Variants in HCRTR1 observed in about 807,000 individuals in gnomAD.
HCRTR1 encodes orexin/Hypocretin receptor type 1.
HCRTR1 carries 28 observed loss-of-function variants against 40.6 expected under a neutral mutation model. The ratio of observed to expected loss-of-function variants is 0.69; its 90% CI spans 0.51 to 0.95. The LOEUF (loss-of-function observed/expected upper bound fraction) is 0.95. Among genes scored for constraint, HCRTR1 ranks in the 40% least tolerant of loss-of-function variants. The probability of loss-of-function intolerance (pLI) is 0.00; values close to 1 mark genes in which losing one functional copy is unlikely to be tolerated. For missense variants in HCRTR1, 482 were observed against 564.7 expected (o/e 0.85, Z 1.48); for synonymous variants, 209 against 230.0 (o/e 0.91, Z 0.83).
downstream of HCRTR1, chr1:31,633,430 C>T: frequency 1.7e-6 from 2 of 1,154,368 alleles, no homozygotes; most frequent in Non-Finnish European, 2.4e-6. Context: ...CCTTCCCTGT[C>T]TTCCATCAAG....
intron 7 of HCRTR1, among the ~76,000 whole-genome samples, chr1:31,624,473 C>G (rs1005883500): frequency 2.4e-4 from 27 of 111,936 alleles, no homozygotes; most frequent in Non-Finnish European, 4.2e-4. Flanking sequence ...AAAAAAAAAG[C>G]CTTTCCAAGG....
chr1:31,624,457 A>AC (rs1639931338), intron 7 of HCRTR1, among the ~76,000 whole-genome samples: 1 of 56,914 alleles, frequency 1.8e-5, no homozygotes, highest in Admixed American at 2.1e-4. Context: ...TCAAAAAAAA[A>AC]AAAAAAAAAA....
rs1363328624 is a variant in HCRTR1, at chr1:31,624,668, C to T, written c.966-329C>T. ...GTGTGATCTTCGGCATGTCACTTTA[C>T]TTCTCTGAGCCTCAGTTTCCTTAAT... On this transcript the variant is annotated intron_variant, in intron 7 of 8. Coordinates refer to ENST00000403528, the MANE Select transcript of HCRTR1 (RefSeq NM_001525.3). 1.3e-5 allele frequency among the ~76,000 whole-genome samples: 2 copies of T among 152,174 alleles called. 1 individual carries two copies. Among genetic ancestry groups the T allele is most frequent in the Non-Finnish European group, 2.9e-5 (2 of 68,040 alleles).
chr1:31,619,044 C>G lies in HCRTR1; in HGVS notation c.-142-7C>G, dbSNP rs1639790338. On this transcript the variant is annotated splice_polypyrimidine_tract_variant and splice_region_variant and intron_variant, in intron 2 of 8. Coordinates refer to ENST00000403528, the MANE Select transcript of HCRTR1 (RefSeq NM_001525.3). ...TTCCCACTCCCTCCTTTCCTTCCTC[C>G]CTTCAGGAAGTTTGAGGCTGAGACC... is the stretch of plus-strand genomic sequence containing the variant. 1.6e-6 allele frequency: 1 copy of G among 616,576 alleles called. No individual in the cohort carries two copies. The highest frequency in any genetic ancestry group is 1.8e-5 in the African/African-American group (1 of 54,186). The allele number at this position is 616,576 out of a possible 1,614,324, so 38.2% of individuals were successfully genotyped here.
rs139306009 is a variant in HCRTR1, at chr1:31,624,999, T to C, written c.968T>C (p.Val323Ala). The change falls in exon 8 of 9, where the codon GTG becomes GCG. Residue 323 changes from valine to alanine, a missense_variant and splice_region_variant. Coordinates refer to ENST00000403528, the MANE Select transcript of HCRTR1 (RefSeq NM_001525.3). The stretch of plus-strand genomic sequence containing the variant: ...ACGCTCCTCCACCCTGGGCCTAGGG[T>C]GTTCGGGATGTTCCGCCAAGCCAGT... ...PISVLNVLKR[V>A]FGMFRQASDR... 65 of 1,602,246 alleles carry C rather than the reference T, an allele frequency of 4.1e-5. No homozygotes were observed. In the African/African-American group the frequency reaches 8.4e-4, roughly 21 times the overall value.
At position 31,621,001 on chromosome 1, in the gene HCRTR1, G is replaced by A; in HGVS notation, c.537G>A (p.Gln179=). 1.2e-6 allele frequency: 2 copies of A among 1,613,910 alleles called. No individual in the cohort carries two copies. The highest frequency in any genetic ancestry group is 4.5e-5 in the East Asian group (2 of 44,882). The stretch of plus-strand genomic sequence containing the variant: ...TGTCGCTGGCCATCATGGTGCCCCA[G>A]GCTGCAGTCATGGAATGCAGCAGTG... The part of the protein sequence containing the change: ...WAVSLAIMVP[Q]AAVMECSSVL... The change falls in exon 5 of 9, where the codon CAG becomes CAA. Residue 179 remains glutamine (Q), a synonymous_variant. Coordinates refer to ENST00000403528, the MANE Select transcript of HCRTR1 (RefSeq NM_001525.3).
intron 4 of HCRTR1, among the ~76,000 whole-genome samples, chr1:31,620,052 G>A (rs1447209913): frequency 6.6e-6 from 1 of 152,206 alleles, no homozygotes; most frequent in African/African-American, 2.4e-5. Flanking sequence ...CCCTAGGCCT[G>A]CTCCCCAATC....
In HCRTR1 at chr1:31,625,492, GCCCTGGAGC is replaced by G. The variant is rs1017872104; in HGVS notation, c.1087+380_1087+388del. 2.0e-5 allele frequency among the ~76,000 whole-genome samples: 3 copies of G among 152,224 alleles called. No individual in the cohort carries two copies. Among genetic ancestry groups the G allele is most frequent in the Admixed American group, 2.0e-4 (3 of 15,290 alleles). Reference sequence around the variant, plus strand: ...AGGGAGTCAGACCTGTGGGAGGAGGGCCCTGGAGCCCCTGCCCGAGGAAGGATTGCACAG... The same window carrying G: ...AGGGAGTCAGACCTGTGGGAGGAGGGCCCTGCCCGAGGAAGGATTGCACAG... On this transcript the variant is annotated intron_variant, in intron 8 of 8. Transcript: ENST00000403528. The surrounding 1 kb of genome is among the most constrained non-coding windows in gnomAD (Gnocchi z 4.2).
At chr1:31,621,372 T>C in intron 5 of HCRTR1, 105 bp from the exon 6 acceptor site, 2 of 930,188 alleles carry the variant, frequency 2.2e-6, no homozygotes, top group East Asian at 2.4e-5. Context: ...GTCCAGCTGC[T>C]CCTAGGCCTT....
At chr1:31,633,074 TG>T, downstream of HCRTR1, 4 of 1,449,846 alleles carry the variant, frequency 2.8e-6, no homozygotes, top group Non-Finnish European at 3.7e-6. Flanking sequence ...CTCTTCAGAA[TG>T]TCCACCCACC....
Position 31,625,101 on chromosome 1 carries a change from T to C in HCRTR1, c.1070T>C (p.Ile357Thr). The change falls in exon 8 of 9, where the codon ATC becomes ACC. Residue 357 changes from isoleucine (I) to threonine (T), a missense_variant. Transcript: ENST00000403528. This position sits in a 1 kb window ranked among gnomAD's most constrained non-coding sequence, Gnocchi z 4.2. ...VYANSAANPI[I>T]YNFLSGKFRE... ...GCCAACAGCGCTGCCAACCCCATCA[T>C]CTACAACTTCCTCAGTGGTGAGCAG... is the stretch of plus-strand genomic sequence containing the variant. The C allele has an allele frequency of 6.2e-7, 1 of 1,611,062 alleles. No homozygotes were observed. The highest frequency in any genetic ancestry group is 8.5e-7 in the Non-Finnish European group (1 of 1,178,252).
rs1557575604 is a variant in HCRTR1, at chr1:31,619,229, GT to G, written c.38del (p.Val13AlafsTer65). On this transcript the variant is annotated frameshift_variant, in exon 3 of 9. Coordinates refer to ENST00000403528, the MANE Select transcript of HCRTR1 (RefSeq NM_001525.3). LOFTEE classifies it high-confidence loss of function. ...AGCCACCCCAGGGGCCCAGATGGGG[GT>G]CCCCCCTGGCAGCAGAGAGCCGTCC... ...PSATPGAQMG[V>X]PPGSREPSPV... is the part of the protein sequence containing the mutation. 2 of 1,613,280 alleles carry G rather than the reference GT, an allele frequency of 1.2e-6. No homozygotes were observed. Among genetic ancestry groups the G allele is most frequent in the Non-Finnish European group, 1.7e-6 (2 of 1,180,004 alleles).
At chr1:31,629,367 T>C (rs544491591), downstream of HCRTR1, among the ~76,000 whole-genome samples, 7 of 152,340 alleles carry the variant, frequency 4.6e-5, no homozygotes, top group South Asian at 1.5e-3. Context: ...CCTGGCAAAC[T>C]AGAATGTCTG....
chr1:31,626,690 AT>A lies in HCRTR1; in HGVS notation c.1088-99del. ...TCCCTCCCTCCCTCCCCGCCCCCTC[AT>A]AGGCAGCTTGGCTGGAGCTGCGTGG... On this transcript the variant is annotated intron_variant, in intron 8 of 8. Transcript: ENST00000403528. This position sits in a 1 kb window ranked among gnomAD's most constrained non-coding sequence, Gnocchi z 4.6. 2.1e-5 allele frequency: 10 copies of A among 474,756 alleles called. No homozygotes were observed. Among genetic ancestry groups the A allele is most frequent in the East Asian group, 6.8e-5 (1 of 14,644 alleles). 29.4% of individuals were successfully genotyped at this position (474,756 alleles called of 1,614,324 possible).
chr1:31,630,538 A>C (rs1640065880), downstream of HCRTR1: 18 of 1,355,078 alleles, frequency 1.3e-5, 1 homozygote, highest in South Asian at 1.7e-4. Flanking sequence ...AAAAGAAGAG[A>C]TGTCCACATA....
At chr1:31,622,217 T>C (rs1041146463) in intron 6 of HCRTR1, among the ~76,000 whole-genome samples, 1 of 151,900 alleles carries the variant, frequency 6.6e-6, no homozygotes, top group Non-Finnish European at 1.5e-5. Context: ...GTTTCTTAGG[T>C]TTTTGGGGGG....
downstream of HCRTR1, chr1:31,630,506 A>G (rs1640064396): frequency 5.3e-6 from 6 of 1,122,430 alleles, no homozygotes; most frequent in Non-Finnish European, 7.8e-6. Context: ...AGCAAGGGAG[A>G]ATGTTCTTCT....
chr1:31,621,074 G>T lies in HCRTR1; in HGVS notation c.610G>T (p.Glu204Ter). The part of the protein sequence containing the change: ...NRTRLFSVCD[E>*]RWADDLYPKI... ...CACACGGCTCTTCTCAGTCTGTGAT[G>T]AACGCTGGGCAGGTAATGGTGGAAG... Residue 204 changes from glutamate (E) to a stop codon, truncating the protein, a stop_gained, in exon 5 of 9, where the codon GAA (glutamate) becomes TAA (stop). Transcript: ENST00000403528. LOFTEE classifies it high-confidence loss of function. 6.2e-7 allele frequency: 1 copy of T among 1,606,416 alleles called. No individual in the cohort carries two copies. The highest frequency in any genetic ancestry group is 8.5e-7 in the Non-Finnish European group (1 of 1,179,262).
At chr1:31,620,570 A>G (rs565294376) in intron 4 of HCRTR1, among the ~76,000 whole-genome samples, 1 of 152,356 alleles carries the variant, frequency 6.6e-6, no homozygotes, top group East Asian at 1.9e-4. Context: ...TATTCACCGG[A>G]GGGGTGCACC....
Sources: gnomAD v4.1 joint callset for allele counts (sites outside exome capture counted in the v4.1 genomes callset) on GRCh38, gnomAD v4.1.1 for gene constraint, Gnocchi (gnomAD v3.1) non-coding constraint, MANE v1.5 for transcripts, NCBI Gene and HGNC (gene_info 2026-07-23, HGNC 2026-07-21) for gene names.